DLG2: variants seen among roughly 807,000 people sequenced by gnomAD.
The protein encoded by DLG2 is discs large MAGUK scaffold protein 2.
DLG2 carries 45 observed loss-of-function variants against 132.5 expected under a neutral mutation model. The observed-to-expected ratio is 0.34, with a 90% CI of 0.27 to 0.44. DLG2 has a LOEUF of 0.44. Among genes scored for constraint, DLG2 ranks in the 20% least tolerant of loss-of-function variants. The probability of loss-of-function intolerance (pLI) is 1.00; values close to 1 mark genes in which losing one functional copy is unlikely to be tolerated. For missense variants in DLG2, 1,045 were observed against 1,196.9 expected, an observed-to-expected ratio of 0.87 and a Z score of 1.87; for synonymous variants, 424 against 419.6, an observed-to-expected ratio of 1.01 and a Z score of -0.13.
intron 9 of DLG2, among the ~76,000 whole-genome samples, chr11:84,149,911 CA>C (rs1364854061): frequency 6.6e-6 from 1 of 152,050 alleles, no homozygotes; most frequent in Non-Finnish European, 1.5e-5. Flanking sequence ...GCACACGCCA[CA>C]ATGCCTGGCT....
At chr11:84,776,927 G>A (rs1347485100) in intron 6 of DLG2, among the ~76,000 whole-genome samples, 1 of 152,042 alleles carries the variant, frequency 6.6e-6, no homozygotes, top group Non-Finnish European at 1.5e-5. Flanking sequence ...CTGGGTAGAA[G>A]TGTAATTTTG....
chr11:85,318,249 C>T (rs2080822486), intron 3 of DLG2, among the ~76,000 whole-genome samples: 1 of 151,812 alleles, frequency 6.6e-6, no homozygotes, highest in South Asian at 2.1e-4. Flanking sequence ...TAATTCTTCC[C>T]ACACTAAATG....
chr11:85,472,017 G>A (rs1056566281), intron 3 of DLG2, among the ~76,000 whole-genome samples: 2 of 152,116 alleles, frequency 1.3e-5, no homozygotes, highest in East Asian at 3.9e-4. Context: ...AAATTCCTAG[G>A]CAGACAAGGG....
chr11:83,561,894 T>C (rs936711579), intron 19 of DLG2, among the ~76,000 whole-genome samples: 2 of 139,082 alleles, frequency 1.4e-5, no homozygotes, highest in African/African-American at 2.7e-5. Flanking sequence ...TTTTTTTTTT[T>C]TTTTTTTTTT....
At chr11:83,491,298 T>G (rs934334677) in intron 21 of DLG2, among the ~76,000 whole-genome samples, 1 of 151,972 alleles carries the variant, frequency 6.6e-6, no homozygotes, top group African/African-American at 2.4e-5. Context: ...GACTATCACT[T>G]GTAGCCTAGT....
At chr11:84,257,637 C>T (rs1219405130) in intron 7 of DLG2, among the ~76,000 whole-genome samples, 1 of 151,052 alleles carries the variant, frequency 6.6e-6, no homozygotes, top group African/African-American at 2.4e-5. Context: ...CCATGTTCTA[C>T]TGCCCCTTAG....
intron 6 of DLG2, among the ~76,000 whole-genome samples, chr11:84,752,451 A>G (rs2066254917): frequency 6.6e-6 from 1 of 152,090 alleles, no homozygotes; most frequent in Non-Finnish European, 1.5e-5. Flanking sequence ...GAGTAGAAGG[A>G]TGTATGTGGA....
chr11:84,144,992 T>G (rs997636590), intron 9 of DLG2, among the ~76,000 whole-genome samples: 1 of 152,216 alleles, frequency 6.6e-6, no homozygotes, highest in East Asian at 1.9e-4. Flanking sequence ...CCCTGGATCT[T>G]TGTTATTTCC....
At position 83,703,997 on chromosome 11, in the gene DLG2, T is replaced by C. The variant is rs572279682; in HGVS notation, c.1826-70672A>G. On this transcript the variant is annotated intron_variant, in intron 18 of 27. Transcript: ENST00000376104. Reference sequence around the variant, plus strand: ...ATGAAAAAGGAAGTATCAACTACCATGACTACCATGTACAATAAAATTACA... The same window carrying C: ...ATGAAAAAGGAAGTATCAACTACCACGACTACCATGTACAATAAAATTACA... 4.6e-5 allele frequency among the ~76,000 whole-genome samples: 7 copies of C among 152,312 alleles called. No individual in the cohort carries two copies. In the South Asian group the frequency reaches 1.4e-3, roughly 32 times the overall value.
rs577862412 is a variant in DLG2, at chr11:83,829,130, T to C, written c.1722+4484A>G. The stretch of plus-strand genomic sequence containing the variant: ...TCCTTTCTCTGAAACTACTACATTA[T>C]TGTTAACATGACTTATTTGCAAATT... On this transcript the variant is annotated intron_variant, in intron 17 of 27. Coordinates refer to ENST00000376104, the MANE Select transcript of DLG2 (RefSeq NM_001142699.3). Among the ~76,000 whole-genome samples, 3 of 152,262 alleles carry C rather than the reference T, an allele frequency of 2.0e-5. No homozygotes were observed. The East Asian group carries it at 5.8e-4, about 29-fold the overall frequency.
intron 3 of DLG2, among the ~76,000 whole-genome samples, chr11:85,400,526 C>A (rs2087952253): frequency 6.7e-6 from 1 of 149,326 alleles, no homozygotes; most frequent in African/African-American, 2.5e-5. Context: ...AGACTTGGAA[C>A]CAACCCAAAT....
Position 83,634,323 on chromosome 11 carries a change from A to G in DLG2, c.1826-998T>C, listed in dbSNP as rs139374767. On this transcript the variant is annotated intron_variant, in intron 18 of 27. Coordinates refer to ENST00000376104, the MANE Select transcript of DLG2 (RefSeq NM_001142699.3). Reference sequence around the variant, plus strand: ...GTCAACCCAATAAAGATAAAGAAAGAATCGGTTCTAAGGTACTTATTAACA... The same window carrying G: ...GTCAACCCAATAAAGATAAAGAAAGGATCGGTTCTAAGGTACTTATTAACA... 9.8e-3 allele frequency among the ~76,000 whole-genome samples: 1,498 copies of G among 152,308 alleles called. 29 individuals carry two copies. The highest frequency in any genetic ancestry group is 0.034 in the African/African-American group (1,398 of 41,572).
intron 12 of DLG2, among the ~76,000 whole-genome samples, chr11:83,979,228 T>C (rs898431867): frequency 6.6e-6 from 1 of 152,024 alleles, no homozygotes; most frequent in Admixed American, 6.6e-5. Flanking sequence ...AGTAGGCAAA[T>C]AAATATAAAA....
intron 6 of DLG2, among the ~76,000 whole-genome samples, chr11:84,750,363 A>G (rs2065950123): frequency 6.6e-6 from 1 of 152,178 alleles, no homozygotes; most frequent in African/African-American, 2.4e-5. Flanking sequence ...CTGTATGTAC[A>G]ATGAGGAAGA....
chr11:84,896,069 G>C (rs1365785118), intron 6 of DLG2, among the ~76,000 whole-genome samples: 2 of 152,086 alleles, frequency 1.3e-5, no homozygotes, highest in Non-Finnish European at 2.9e-5. Context: ...GAAATTAACA[G>C]TGGGCTTCAG....
In DLG2 at chr11:85,306,515, G is replaced by A. The variant is rs191843915; in HGVS notation, c.41-21150C>T. Among the ~76,000 whole-genome samples the A allele has an allele frequency of 1.5e-4, 23 of 152,356 alleles. 1 individual carries two copies. The highest frequency in any genetic ancestry group is 5.3e-4 in the African/African-American group (22 of 41,590). On this transcript the variant is annotated intron_variant, in intron 3 of 27. Transcript: ENST00000376104. ...CTGCTGCCAGGTGAATGGGGCCGAA[G>A]AGCCCTTCCAACCCTTTAGGAACTA... is the stretch of plus-strand genomic sequence containing the variant.
chr11:84,866,925 T>G (rs533554301), intron 6 of DLG2, among the ~76,000 whole-genome samples: 3 of 152,360 alleles, frequency 2.0e-5, no homozygotes, highest in African/African-American at 7.2e-5. Context: ...TTTTAGACTG[T>G]AACATTTTTA....
chr11:83,469,448 C>T, intron 24 of DLG2, 75 bp from the exon 25 acceptor site: 1 of 1,097,604 alleles, frequency 9.1e-7, no homozygotes, highest in Non-Finnish European at 1.3e-6. Flanking sequence ...TATTCTCCAC[C>T]ACATCCTCAA....
intron 3 of DLG2, among the ~76,000 whole-genome samples, chr11:85,595,698 T>G (rs186404171): frequency 1.3e-5 from 2 of 152,316 alleles, no homozygotes; most frequent in East Asian, 3.9e-4. Context: ...AATCAAACAG[T>G]TCATTCTCCA....
Sources: gnomAD v4.1 joint callset for allele counts (sites outside exome capture counted in the v4.1 genomes callset) on GRCh38, gnomAD v4.1.1 for gene constraint, MANE v1.5 for transcripts, NCBI Gene and HGNC (gene_info 2026-07-23, HGNC 2026-07-21) for gene names.